Variants in ADNP observed in about 807,000 individuals in gnomAD.
The protein encoded by ADNP is activity dependent neuroprotector homeobox.
Under a neutral mutation model 84.9 loss-of-function variants are expected in ADNP, and 4 were observed. That is an observed-to-expected ratio of 0.05 (90% CI 0.02 to 0.11). The LOEUF (loss-of-function observed/expected upper bound fraction) is 0.11. Among genes scored for constraint, ADNP ranks in the 10% least tolerant of loss-of-function variants. The pLI is 1.00. For missense variants in ADNP, 1,132 were observed against 1,326.0 expected, an observed-to-expected ratio of 0.85 and a Z score of 2.27; for synonymous variants, 554 against 468.1, an observed-to-expected ratio of 1.18 and a Z score of -2.37.
chr20:50,896,190 A>T (rs1181621132), intron 5 of ADNP, among the ~76,000 whole-genome samples: 1 of 152,204 alleles, frequency 6.6e-6, no homozygotes, highest in Admixed American at 6.5e-5. Flanking sequence ...ACAGCACAGC[A>T]CTCTAGCCTG....
chr20:50,927,208 T>C (rs113531392), intron 2 of ADNP, among the ~76,000 whole-genome samples: 2,206 of 152,188 alleles, frequency 0.014, 52 homozygotes, highest in African/African-American at 0.05. Context: ...GAGAAAAAGA[T>C]AAACTTAAGC....
Position 50,914,065 on chromosome 20 carries a change from G to A in ADNP, c.-89-9216C>T, listed in dbSNP as rs1161714039. The A allele has an allele frequency of 9.4e-6, 7 of 742,362 alleles. No homozygotes were observed. In the East Asian group the frequency reaches 1.7e-4, roughly 18 times the overall value. The allele number at this position is 742,362 out of a possible 1,614,324, so 46.0% of individuals were successfully genotyped here. ...TGGCTCTACTCCCCTACATCATGCA[G>A]CTTCCAAAAACAGGCATGAGATTGC... On this transcript the variant is annotated intron_variant, in intron 2 of 5. Coordinates refer to ENST00000621696, the MANE Select transcript of ADNP (RefSeq NM_001282531.3).
intron 2 of ADNP, among the ~76,000 whole-genome samples, chr20:50,923,133 G>T (rs1456730608): frequency 6.6e-6 from 1 of 152,056 alleles, no homozygotes; most frequent in African/African-American, 2.4e-5. Context: ...CAGGAACCGT[G>T]GTGGATGAAA....
In ADNP at chr20:50,894,023, T is replaced by C. The variant is rs1479041902; in HGVS notation, c.691A>G (p.Lys231Glu). 19 of 1,614,084 alleles carry C rather than the reference T, an allele frequency of 1.2e-5. No individual in the cohort carries two copies. The highest frequency in any genetic ancestry group is 1.6e-5 in the Non-Finnish European group (19 of 1,180,042). ...TGCTGTACCAAAGCTTCATAGGACTTTGGCATGAAAAGGCATCGCTTGCAG... is the reference window on the plus strand; with the variant it reads ...TGCTGTACCAAAGCTTCATAGGACTCTGGCATGAAAAGGCATCGCTTGCAG... ...IHCKRCLFMPKSYEALVQHVI... is the reference protein window; with the variant it reads ...IHCKRCLFMPESYEALVQHVI... Residue 231 changes from lysine (K) to glutamate (E), a missense_variant, in exon 6 of 6, where the codon AAG becomes GAG. Physicochemically the swap from Lys to Glu is moderately conservative, Grantham distance 56 (BLOSUM62 1). Coordinates refer to ENST00000621696, the MANE Select transcript of ADNP (RefSeq NM_001282531.3).
Position 50,894,346 on chromosome 20 carries a change from G to A in ADNP, c.368C>T (p.Thr123Ile). Residue 123 changes from threonine to isoleucine, a missense_variant, in exon 6 of 6, where the codon ACA becomes ATA. This residue lies in a region of ADNP where 130 missense variants were observed against 183.7 expected (regional missense o/e 0.71). Transcript: ENST00000621696. ...TFNADKKTLETHIKIFHAPNA... is the reference protein window; with the variant it reads ...TFNADKKTLEIHIKIFHAPNA... ...CGGAGCATGAAATATTTTAATGTGT[G>A]TTTCCAAAGTCTTTTTGTCTGCATT... 1 of 1,613,754 alleles carries A rather than the reference G, an allele frequency of 6.2e-7. No individual in the cohort carries two copies. The highest frequency in any genetic ancestry group is 1.3e-5 in the African/African-American group (1 of 74,964).
chr20:50,918,875 T>G (rs1983713558), intron 2 of ADNP, among the ~76,000 whole-genome samples: 1 of 152,218 alleles, frequency 6.6e-6, no homozygotes, highest in Non-Finnish European at 1.5e-5. Flanking sequence ...TCTCTCATGC[T>G]GGTGTAGTTC....
chr20:50,912,313 AT>A (rs1318975545), intron 2 of ADNP, among the ~76,000 whole-genome samples: 1 of 151,878 alleles, frequency 6.6e-6, no homozygotes, highest in Non-Finnish European at 1.5e-5. Flanking sequence ...GGCTGGGCTA[AT>A]TTTTTTTATA....
chr20:50,909,915 GA>G (rs1982877936), intron 2 of ADNP: 1 of 152,178 alleles, frequency 6.6e-6, no homozygotes, highest in African/African-American at 2.4e-5. Flanking sequence ...AATTCCTATT[GA>G]TATTGTTTAA....
chr20:50,902,387 A>C (rs1048379690), intron 4 of ADNP, among the ~76,000 whole-genome samples: 3 of 152,200 alleles, frequency 2.0e-5, no homozygotes, highest in African/African-American at 7.2e-5. Context: ...GCCACACACT[A>C]ATATCAAAGC....
Position 50,893,665 on chromosome 20 carries a change from C to A in ADNP, c.1049G>T (p.Gly350Val). The change falls in exon 6 of 6, where the codon GGT (glycine) becomes GTT (valine). Residue 350 changes from glycine (G) to valine (V), a missense_variant. Physicochemically the swap from Gly to Val is moderately radical, Grantham distance 109. Coordinates refer to ENST00000621696, the MANE Select transcript of ADNP (RefSeq NM_001282531.3). The surrounding 1 kb of genome is among the most constrained non-coding windows in gnomAD (Gnocchi z 4.4). ...GGAAACTGGTGCGTTGCCACCTAGACCCAGTCTCATTGACTGACCAACACT... is the reference window on the plus strand; with the variant it reads ...GGAAACTGGTGCGTTGCCACCTAGAACCAGTCTCATTGACTGACCAACACT... ...GYSVGQSMRL[G>V]LGGNAPVSIP... The A allele has an allele frequency of 6.2e-7, 1 of 1,614,148 alleles. No individual in the cohort carries two copies. Among genetic ancestry groups the A allele is most frequent in the Non-Finnish European group, 8.5e-7 (1 of 1,180,024 alleles).
At position 50,931,304 on chromosome 20, in the gene ADNP, A is replaced by T. The variant is rs1158555878; in HGVS notation, c.-743T>A. On this transcript the variant is annotated 5_prime_UTR_variant, in exon 1 of 6. Coordinates refer to ENST00000621696, the MANE Select transcript of ADNP (RefSeq NM_001282531.3). ...TGGATCCCGGCGGGCGGCGGAGGGG[A>T]GACCGGGCCGGCGGAGGCGGCGGCG... 3.4e-5 allele frequency: 1 copy of T among 29,134 alleles called. No homozygotes were observed. Among genetic ancestry groups the T allele is most frequent in the Non-Finnish European group, 6.3e-5 (1 of 15,768 alleles). 1.8% of individuals were successfully genotyped at this position (29,134 alleles called of 1,614,324 possible).
chr20:50,892,914 C>T lies in ADNP; in HGVS notation c.1800G>A (p.Lys600=), dbSNP rs143038335. Residue 600 remains lysine (K), a synonymous_variant, in exon 6 of 6, where the codon AAG becomes AAA. Coordinates refer to ENST00000621696, the MANE Select transcript of ADNP (RefSeq NM_001282531.3). The part of the protein sequence containing the change: ...PPKPQPKVQE[K]ADIPVKSSPQ... Reference sequence around the variant, plus strand: ...GTGAACTTTTTACAGGGATATCTGCCTTTTCCTGAACCTTTGGCTGTGGCT... The same window carrying T: ...GTGAACTTTTTACAGGGATATCTGCTTTTTCCTGAACCTTTGGCTGTGGCT... 3.1e-6 allele frequency: 5 copies of T among 1,614,120 alleles called. No individual in the cohort carries two copies. The highest frequency in any genetic ancestry group is 3.4e-6 in the Non-Finnish European group (4 of 1,180,062).
At chr20:50,917,393 CA>C (rs1312772455) in intron 2 of ADNP, among the ~76,000 whole-genome samples, 1 of 152,196 alleles carries the variant, frequency 6.6e-6, no homozygotes, top group African/African-American at 2.4e-5. Flanking sequence ...TTACCATCAC[CA>C]TGGAGGCCAA....
At position 50,894,005 on chromosome 20, in the gene ADNP, C is replaced by T; in HGVS notation, c.709G>A (p.Val237Ile). Residue 237 changes from valine to isoleucine, a missense_variant, in exon 6 of 6, where the codon GTA becomes ATA. Val to Ile is a conservative substitution (Grantham distance 29). Around this residue, in one of 10 missense-constraint regions of ADNP, gnomAD observed 130 missense variants for 183.7 expected, o/e 0.71. Transcript: ENST00000621696. The part of the protein sequence containing the change: ...LFMPKSYEAL[V>I]QHVIEDHERI... ...TCATGGTCTTCGATGACATGCTGTA[C>T]CAAAGCTTCATAGGACTTTGGCATG... 2 of 1,614,152 alleles carry T rather than the reference C, an allele frequency of 1.2e-6. No homozygotes were observed. The highest frequency in any genetic ancestry group is 8.5e-7 in the Non-Finnish European group (1 of 1,180,024).
At chr20:50,905,786 T>G (rs1982418992) in intron 2 of ADNP, among the ~76,000 whole-genome samples, 1 of 152,250 alleles carries the variant, frequency 6.6e-6, no homozygotes, top group Admixed American at 6.5e-5. Context: ...AACTACAGAC[T>G]TAGAAGTCAC....
Position 50,931,264 on chromosome 20 carries a change from C to T in ADNP, c.-703G>A, listed in dbSNP as rs999190651. 9.2e-5 allele frequency: 1 copy of T among 10,852 alleles called. No individual in the cohort carries two copies. The highest frequency in any genetic ancestry group is 1.6e-3 in the South Asian group (1 of 610). The allele number at this position is 10,852 out of a possible 1,614,324, so 0.7% of individuals were successfully genotyped here. The stretch of plus-strand genomic sequence containing the variant: ...ATGGCGGCGGCCGGGGGGGGGGGGG[C>T]GGGAGTTCAGCTCATGGATCCCGGC... On this transcript the variant is annotated 5_prime_UTR_variant, in exon 1 of 6. Transcript: ENST00000621696.
intron 5 of ADNP, 68 bp from the exon 6 acceptor site, chr20:50,894,580 C>A: frequency 6.7e-7 from 1 of 1,485,126 alleles, no homozygotes; most frequent in Non-Finnish European, 9.0e-7. Flanking sequence ...TTCCAGATCC[C>A]CCCCGGATAT....
At chr20:50,929,826 G>A (rs1984542041) in intron 1 of ADNP, among the ~76,000 whole-genome samples, 2 of 152,118 alleles carry the variant, frequency 1.3e-5, no homozygotes, top group Admixed American at 1.3e-4. Flanking sequence ...CACAGAAACA[G>A]TTTGGTTCTT....
At chr20:50,928,227 T>C (rs1984414884) in intron 2 of ADNP, among the ~76,000 whole-genome samples, 1 of 152,214 alleles carries the variant, frequency 6.6e-6, no homozygotes, top group African/African-American at 2.4e-5. Flanking sequence ...GGTGTATTTA[T>C]GTAACATACA....
Sources: allele counts gnomAD v4.1 joint callset (sites outside exome capture counted in the v4.1 genomes callset), GRCh38; gene constraint gnomAD v4.1.1; regional missense constraint gnomAD v4.1.1; non-coding constraint Gnocchi (gnomAD v3.1); transcripts MANE v1.5; gene names NCBI Gene and HGNC (gene_info 2026-07-23, HGNC 2026-07-21).